Variants in CYCS observed in about 807,000 individuals in gnomAD.
CYCS encodes the protein cytochrome c, somatic.
For synonymous variants in CYCS, 41 were observed against 43.0 expected (o/e 0.95, Z 0.18); for missense variants, 87 against 125.3 (o/e 0.69, Z 1.46).
rs1783394915 is a variant in CYCS at position 25,123,575 on chromosome 7, C to A, written c.*126G>T. 2.3e-6 allele frequency: 2 copies of A among 876,494 alleles called. No individual in the cohort carries two copies. The highest frequency in any genetic ancestry group is 3.7e-6 in the Non-Finnish European group (2 of 546,352). 54.3% of individuals were successfully genotyped at this position (876,494 alleles called of 1,614,324 possible). On this transcript the variant is annotated 3_prime_UTR_variant, in exon 3 of 3. Coordinates refer to ENST00000305786, the MANE Select transcript of CYCS (RefSeq NM_018947.6). ...AGTCTTAGTTTTAAATCAGGACTGCCCAACAAAATATTCTGTCAGTCATTC... is the reference window on the plus strand; with the variant it reads ...AGTCTTAGTTTTAAATCAGGACTGCACAACAAAATATTCTGTCAGTCATTC...
In CYCS at chr7:25,119,676, G is replaced by T. The variant is rs1420571828; in HGVS notation, c.*4025C>A. 1.3e-5 allele frequency among the ~76,000 whole-genome samples: 2 copies of T among 151,998 alleles called. No individual in the cohort carries two copies. The highest frequency in any genetic ancestry group is 3.8e-4 in the East Asian group (2 of 5,200). On this transcript the variant is annotated 3_prime_UTR_variant, in exon 3 of 3. Transcript: ENST00000305786. ...GCTACACTGCAGCCTCGAACTTCTG[G>T]GCACAAGCAGTCCTCCTGCCTCAGA...
rs186959290 is a variant in CYCS at position 25,119,666 on chromosome 7, C to T, written c.*4035G>A. Among the ~76,000 whole-genome samples, 25 of 152,210 alleles carry T rather than the reference C, an allele frequency of 1.6e-4. No individual in the cohort carries two copies. In the East Asian group the frequency reaches 4.6e-3, roughly 28 times the overall value. On this transcript the variant is annotated 3_prime_UTR_variant, in exon 3 of 3. Coordinates refer to ENST00000305786, the MANE Select transcript of CYCS (RefSeq NM_018947.6). ...CACAATCACAGCTACACTGCAGCCTCGAACTTCTGGGCACAAGCAGTCCTC... is the reference window on the plus strand; with the variant it reads ...CACAATCACAGCTACACTGCAGCCTTGAACTTCTGGGCACAAGCAGTCCTC...
rs545047904 is a variant in CYCS, at chr7:25,120,310, G to C, written c.*3391C>G. The C allele has an allele frequency of 2.2e-4, 33 of 152,140 alleles. No homozygotes were observed. The highest frequency in any genetic ancestry group is 5.8e-4 in the African/African-American group (24 of 41,480). 9.4% of individuals were successfully genotyped at this position (152,140 alleles called of 1,614,324 possible). On this transcript the variant is annotated 3_prime_UTR_variant, in exon 3 of 3. Coordinates refer to ENST00000305786, the MANE Select transcript of CYCS (RefSeq NM_018947.6). The stretch of plus-strand genomic sequence containing the variant: ...CATGTTGACCAGGCTGGTCTCAAAC[G>C]CCTGACCTCAAGTGATCTGCCTGCC...
rs996119215 is a variant in CYCS at position 25,121,796 on chromosome 7, G to C, written c.*1905C>G. On this transcript the variant is annotated 3_prime_UTR_variant, in exon 3 of 3. Coordinates refer to ENST00000305786, the MANE Select transcript of CYCS (RefSeq NM_018947.6). ...AAAAAAATTAGCTGGGCATGGTGGC[G>C]AACACCTGTAGTCCCAGCTACTTGG... is the stretch of plus-strand genomic sequence containing the variant. The C allele has an allele frequency of 1.3e-5, 2 of 152,096 alleles. No homozygotes were observed. Among genetic ancestry groups the C allele is most frequent in the Non-Finnish European group, 2.9e-5 (2 of 68,056 alleles). The allele number at this position is 152,096 out of a possible 1,614,324, so 9.4% of individuals were successfully genotyped here.
rs1005634060 is a variant in CYCS, at chr7:25,120,576, C to G, written c.*3125G>C. The G allele has an allele frequency of 6.6e-6, 1 of 152,214 alleles. No individual in the cohort carries two copies. The highest frequency in any genetic ancestry group is 1.5e-5 in the Non-Finnish European group (1 of 68,042). The allele number at this position is 152,214 out of a possible 1,614,324, so 9.4% of individuals were successfully genotyped here. A position where few individuals can be genotyped will look rare whatever the true frequency, so the allele number is the denominator to read the frequency against. On this transcript the variant is annotated 3_prime_UTR_variant, in exon 3 of 3. Coordinates refer to ENST00000305786, the MANE Select transcript of CYCS (RefSeq NM_018947.6). ...CCACATGTGGTTAGTGGCTACCACA[C>G]TGGACAGCAAAAGTCTACAAAATAT...
In CYCS at chr7:25,119,211, G is replaced by A. The variant is rs896955689; in HGVS notation, c.*4490C>T. ...CCCCCAACTTGGCAACATCTTATTG[G>A]TTTTCAGAATATACTGATGACGGAT... On this transcript the variant is annotated 3_prime_UTR_variant, in exon 3 of 3. Transcript: ENST00000305786. Among the ~76,000 whole-genome samples, 1 of 152,190 alleles carries A rather than the reference G, an allele frequency of 6.6e-6. No homozygotes were observed. The highest frequency in any genetic ancestry group is 6.5e-5 in the Admixed American group (1 of 15,272).
At chr7:25,124,245 C>T in intron 1 of CYCS, 118 bp from the exon 2 acceptor site, 4 of 795,142 alleles carry the variant, frequency 5.0e-6, no homozygotes, top group Non-Finnish European at 8.5e-6. Flanking sequence ...CATTAAATAC[C>T]AGAATGAATC....
rs1783363287 is a variant in CYCS at position 25,121,538 on chromosome 7, A to G, written c.*2163T>C. 1 of 152,236 alleles carries G rather than the reference A, an allele frequency of 6.6e-6. No homozygotes were observed. The highest frequency in any genetic ancestry group is 1.5e-5 in the Non-Finnish European group (1 of 68,064). 9.4% of individuals were successfully genotyped at this position (152,236 alleles called of 1,614,324 possible). The stretch of plus-strand genomic sequence containing the variant: ...GGCGAAAAGGGCGAAACTCCGTCTC[A>G]GAAAAAATAAATGAGAAAAATTTTA... On this transcript the variant is annotated 3_prime_UTR_variant, in exon 3 of 3. Transcript: ENST00000305786.
In CYCS at chr7:25,119,953, G is replaced by C. The variant is rs189747735; in HGVS notation, c.*3748C>G. 1 of 152,254 alleles carries C rather than the reference G, an allele frequency of 6.6e-6. No individual in the cohort carries two copies. The highest frequency in any genetic ancestry group is 2.4e-5 in the African/African-American group (1 of 41,552). The allele number at this position is 152,254 out of a possible 1,614,324, so 9.4% of individuals were successfully genotyped here. On this transcript the variant is annotated 3_prime_UTR_variant, in exon 3 of 3. Coordinates refer to ENST00000305786, the MANE Select transcript of CYCS (RefSeq NM_018947.6). ...AAGGATGACAAAAGGTAAATCCCTA[G>C]CTACCACCAGAATGTTATCTATCTA...
Position 25,123,485 on chromosome 7 carries a change from C to A in CYCS, c.*216G>T. ...TCTTTAAAAGGGGTAAACAGTGATA[C>A]CATTTACTGAATTGGAGTTACTATT... On this transcript the variant is annotated 3_prime_UTR_variant, in exon 3 of 3. Transcript: ENST00000305786. The A allele has an allele frequency of 3.6e-6, 2 of 559,532 alleles. No individual in the cohort carries two copies. The highest frequency in any genetic ancestry group is 6.4e-6 in the Non-Finnish European group (2 of 313,128). The allele number at this position is 559,532 out of a possible 1,614,324, so 34.7% of individuals were successfully genotyped here.
rs1052838666 is a variant in CYCS at position 25,120,683 on chromosome 7, A to G, written c.*3018T>C. The G allele has an allele frequency of 2.6e-5, 4 of 152,356 alleles. No homozygotes were observed. The highest frequency in any genetic ancestry group is 2.1e-4 in the South Asian group (1 of 4,828). The allele number at this position is 152,356 out of a possible 1,614,324, so 9.4% of individuals were successfully genotyped here. ...GGTGGCATCTGAATACCCCTTAAAT[A>G]CATCTGGCCCTTGTTTTTGATTCTA... On this transcript the variant is annotated 3_prime_UTR_variant, in exon 3 of 3. Coordinates refer to ENST00000305786, the MANE Select transcript of CYCS (RefSeq NM_018947.6).
At position 25,119,998 on chromosome 7, in the gene CYCS, AG is replaced by A. The variant is rs1449094689; in HGVS notation, c.*3702del. 10 of 152,338 alleles carry A rather than the reference AG, an allele frequency of 6.6e-5. No homozygotes were observed. Among genetic ancestry groups the A allele is most frequent in the African/African-American group, 2.2e-4 (9 of 41,574 alleles). 9.4% of individuals were successfully genotyped at this position (152,338 alleles called of 1,614,324 possible). Reference sequence around the variant, plus strand: ...TATCTAAAACTGCCAACTTACGAATAGGTAAAACTTATGGTAAAATTATAAA... The same window carrying A: ...TATCTAAAACTGCCAACTTACGAATAGTAAAACTTATGGTAAAATTATAAA... On this transcript the variant is annotated 3_prime_UTR_variant, in exon 3 of 3. Transcript: ENST00000305786.
At position 25,122,617 on chromosome 7, in the gene CYCS, C is replaced by A. The variant is rs767509843; in HGVS notation, c.*1084G>T. ...CATGTCTGGCATAAATGCTGCAGTT[C>A]TCAATCTGAGCAAAGAAACTAAGAG... On this transcript the variant is annotated 3_prime_UTR_variant, in exon 3 of 3. Coordinates refer to ENST00000305786, the MANE Select transcript of CYCS (RefSeq NM_018947.6). The A allele has an allele frequency of 4.6e-5, 7 of 152,236 alleles. No individual in the cohort carries two copies. Among genetic ancestry groups the A allele is most frequent in the Non-Finnish European group, 7.3e-5 (5 of 68,046 alleles). 9.4% of individuals were successfully genotyped at this position (152,236 alleles called of 1,614,324 possible).
At chr7:25,124,532 C>G (rs1266466154) in intron 1 of CYCS, among the ~76,000 whole-genome samples, 1 of 152,224 alleles carries the variant, frequency 6.6e-6, no homozygotes, top group African/African-American at 2.4e-5. Flanking sequence ...TGTAAAGCCA[C>G]CTCTCCCTGA....
intron 1 of CYCS, chr7:25,124,607 A>G (rs1274320348): frequency 1.9e-5 from 4 of 206,184 alleles, no homozygotes; most frequent in Non-Finnish European, 3.0e-5. Flanking sequence ...CCCAGGTCAC[A>G]GGAGTAGCTT....
rs549213087 is a variant in CYCS at position 25,123,560 on chromosome 7, T to G, written c.*141A>C. On this transcript the variant is annotated 3_prime_UTR_variant, in exon 3 of 3. Transcript: ENST00000305786. ...ATTTAACCACAAGCCAGTCTTAGTTTTAAATCAGGACTGCCCAACAAAATA... is the reference window on the plus strand; with the variant it reads ...ATTTAACCACAAGCCAGTCTTAGTTGTAAATCAGGACTGCCCAACAAAATA... The G allele has an allele frequency of 2.4e-5, 18 of 763,586 alleles. No homozygotes were observed. Among genetic ancestry groups the G allele is most frequent in the Non-Finnish European group, 3.9e-5 (18 of 461,710 alleles). 47.3% of individuals were successfully genotyped at this position (763,586 alleles called of 1,614,324 possible). A position where few individuals can be genotyped will look rare whatever the true frequency, so the allele number is the denominator to read the frequency against.
chr7:25,119,147 T>C lies in CYCS; in HGVS notation c.*4554A>G, dbSNP rs1185616842. On this transcript the variant is annotated 3_prime_UTR_variant, in exon 3 of 3. Coordinates refer to ENST00000305786, the MANE Select transcript of CYCS (RefSeq NM_018947.6). The stretch of plus-strand genomic sequence containing the variant: ...AAGTTTCTGGTCAGGTGTATTTGTA[T>C]ACTTCATCAGGCATATGCCTTGCAT... Among the ~76,000 whole-genome samples the C allele has an allele frequency of 6.6e-6, 1 of 152,230 alleles. No individual in the cohort carries two copies. The highest frequency in any genetic ancestry group is 1.5e-5 in the Non-Finnish European group (1 of 68,034).
Position 25,123,603 on chromosome 7 carries a change from G to C in CYCS, c.*98C>G, listed in dbSNP as rs910900258. On this transcript the variant is annotated 3_prime_UTR_variant, in exon 3 of 3. Coordinates refer to ENST00000305786, the MANE Select transcript of CYCS (RefSeq NM_018947.6). ...ACAAAATATTCTGTCAGTCATTCATGATCTGAATTCTGGTGTATGAGATCT... is the reference window on the plus strand; with the variant it reads ...ACAAAATATTCTGTCAGTCATTCATCATCTGAATTCTGGTGTATGAGATCT... 1.9e-6 allele frequency: 2 copies of C among 1,060,988 alleles called. No homozygotes were observed. Among genetic ancestry groups the C allele is most frequent in the Non-Finnish European group, 2.9e-6 (2 of 696,794 alleles). 65.7% of individuals were successfully genotyped at this position (1,060,988 alleles called of 1,614,324 possible).
chr7:25,122,582 T>C lies in CYCS; in HGVS notation c.*1119A>G, dbSNP rs542092170. 1 of 152,276 alleles carries C rather than the reference T, an allele frequency of 6.6e-6. No individual in the cohort carries two copies. Among genetic ancestry groups the C allele is most frequent in the Non-Finnish European group, 1.5e-5 (1 of 68,056 alleles). 9.4% of individuals were successfully genotyped at this position (152,276 alleles called of 1,614,324 possible). On this transcript the variant is annotated 3_prime_UTR_variant, in exon 3 of 3. Coordinates refer to ENST00000305786, the MANE Select transcript of CYCS (RefSeq NM_018947.6). Reference sequence around the variant, plus strand: ...CATCACAAAACTATGACCACAGGCATTCCTCTGTCCATGTCTGGCATAAAT... The same window carrying C: ...CATCACAAAACTATGACCACAGGCACTCCTCTGTCCATGTCTGGCATAAAT...
Sources: allele counts gnomAD v4.1 joint callset (sites outside exome capture counted in the v4.1 genomes callset), GRCh38; gene constraint gnomAD v4.1.1; transcripts MANE v1.5; gene names NCBI Gene and HGNC (gene_info 2026-07-23, HGNC 2026-07-21).